The following NLRP8 variants were observed in gnomAD, a reference collection of about 807,000 sequenced individuals.
The protein encoded by NLRP8 is NLR family pyrin domain containing 8, also known as NACHT, LRR and PYD domains-containing protein 8.
In NLRP8, 86 loss-of-function variants were observed where a neutral mutation model predicts 88.7. The observed-to-expected ratio is 0.97, with a 90% CI of 0.81 to 1.16. NLRP8 has a LOEUF of 1.16. NLRP8 is among the 50% of genes most tolerant of loss of function. NLRP8 has a pLI of 0.00. For synonymous variants in NLRP8, 504 were observed against 494.6 expected (o/e 1.02, Z -0.25); for missense variants, 1,342 against 1,286.5 (o/e 1.04, Z -0.66).
chr19:55,966,237 G>T lies in NLRP8; in HGVS notation c.2238G>T (p.Met746Ile). 13 of 1,614,146 alleles carry T rather than the reference G, an allele frequency of 8.1e-6. No homozygotes were observed. Among genetic ancestry groups the T allele is most frequent in the Non-Finnish European group, 1.1e-5 (13 of 1,179,998 alleles). ...GCCTAAGGCGTGTGAATAGCACCATGTTGAACCAGGACTTAATCGGTGTTT... is the reference window on the plus strand; with the variant it reads ...GCCTAAGGCGTGTGAATAGCACCATTTTGAACCAGGACTTAATCGGTGTTT... The change falls in exon 5 of 10, where the codon ATG becomes ATT. Residue 746 changes from methionine (M) to isoleucine (I), a missense_variant. Physicochemically the swap from Met to Ile is conservative, Grantham distance 10. Coordinates refer to ENST00000291971, the MANE Select transcript of NLRP8 (RefSeq NM_176811.2).
Position 55,948,189 on chromosome 19 carries a change from G to A in NLRP8, c.287G>A (p.Arg96His), listed in dbSNP as rs145352424. Residue 96 changes from arginine to histidine, a missense_variant, in exon 1 of 10, where the codon CGC (arginine) becomes CAC (histidine). Arg to His is a conservative substitution (Grantham distance 29). Transcript: ENST00000291971. ...TTGATAGAGCGTTTCCCTGGACGAC[G>A]CGCTTGGGATGTGACTTCGAACATC... 1.9e-5 allele frequency: 31 copies of A among 1,614,164 alleles called. No individual in the cohort carries two copies. Among genetic ancestry groups the A allele is most frequent in the African/African-American group, 1.6e-4 (12 of 75,052 alleles).
chr19:55,953,486 C>A (rs1230420260), intron 2 of NLRP8, among the ~76,000 whole-genome samples: 4 of 139,706 alleles, frequency 2.9e-5, no homozygotes, highest in Non-Finnish European at 6.2e-5. Context: ...CTATTTCTTT[C>A]TTTCTTTCTT....
rs778870031 is a variant in NLRP8, at chr19:55,948,052, T to C, written c.150T>C (p.His50=). Reference sequence around the variant, plus strand: ...TGCTGTACATGAGAAACGTGAGCCATGAGGAGCTACAACGGTTCAAGCAGC... The same window carrying C: ...TGCTGTACATGAGAAACGTGAGCCACGAGGAGCTACAACGGTTCAAGCAGC... Residue 50 remains histidine, a synonymous_variant, in exon 1 of 10, where the codon CAT becomes CAC. Coordinates refer to ENST00000291971, the MANE Select transcript of NLRP8 (RefSeq NM_176811.2). 7 of 1,614,072 alleles carry C rather than the reference T, an allele frequency of 4.3e-6. No individual in the cohort carries two copies. The highest frequency in any genetic ancestry group is 5.1e-6 in the Non-Finnish European group (6 of 1,180,014).
intron 3 of NLRP8, among the ~76,000 whole-genome samples, chr19:55,957,269 C>T (rs10415498): frequency 0.035 from 5,288 of 152,266 alleles, 296 homozygotes; most frequent in African/African-American, 0.12. Context: ...TGAACGTTTA[C>T]ATTTTATTTA....
rs1261781058 is a variant in NLRP8 at position 55,951,902 on chromosome 19, C to G, written c.368-636C>G. ...GTGGTTAGGACTATAGGCATGCCAC[C>G]ATGCCTGGCTAATTATTTTTTATTT... On this transcript the variant is annotated intron_variant, in intron 1 of 9. Transcript: ENST00000291971. 2.0e-5 allele frequency among the ~76,000 whole-genome samples: 3 copies of G among 151,892 alleles called. No individual in the cohort carries two copies. The South Asian group carries it at 6.3e-4, about 32-fold the overall frequency.
At chr19:55,987,293 C>G (rs774770958) in intron 9 of NLRP8, among the ~76,000 whole-genome samples, 2 of 152,190 alleles carry the variant, frequency 1.3e-5, no homozygotes, top group Non-Finnish European at 2.9e-5. Flanking sequence ...TCGCTTTAAC[C>G]CAGGAGGCAG....
intron 7 of NLRP8, among the ~76,000 whole-genome samples, chr19:55,975,074 C>T (rs973660686): frequency 6.6e-6 from 1 of 152,162 alleles, no homozygotes; most frequent in Non-Finnish European, 1.5e-5. Flanking sequence ...AATCACTACA[C>T]ATGAGGGCTT....
rs74322774 is a variant in NLRP8 at position 55,972,838 on chromosome 19, T to A, written c.2535-814T>A. Among the ~76,000 whole-genome samples, 5 of 147,722 alleles carry A rather than the reference T, an allele frequency of 3.4e-5. No individual in the cohort carries two copies. In the East Asian group the frequency reaches 6.0e-4, roughly 18 times the overall value. On this transcript the variant is annotated intron_variant, in intron 6 of 9. Coordinates refer to ENST00000291971, the MANE Select transcript of NLRP8 (RefSeq NM_176811.2). ...GTGTGTGTGTGTGTGTGTGTGTGTG[T>A]GACATTTTCTTTATCCACTTGTTGT...
chr19:55,977,079 CA>C (rs772893637), intron 8 of NLRP8, among the ~76,000 whole-genome samples: 3,185 of 93,128 alleles, frequency 0.034, 118 homozygotes, highest in African/African-American at 0.11. Flanking sequence ...GACTCTGTCT[CA>C]AAAAAAAAAA....
chr19:55,967,657 T>G (rs1012237031), intron 5 of NLRP8, among the ~76,000 whole-genome samples: 2 of 152,244 alleles, frequency 1.3e-5, no homozygotes, highest in African/African-American at 4.8e-5. Context: ...ACAGCAAGCA[T>G]GGTAGTGCAG....
At chr19:55,975,332 C>T (rs1356875495) in intron 7 of NLRP8, among the ~76,000 whole-genome samples, 1 of 152,180 alleles carries the variant, frequency 6.6e-6, no homozygotes, top group Non-Finnish European at 1.5e-5. Context: ...CAAAAAGAAG[C>T]AGGGAACGGT....
At position 55,966,350 on chromosome 19, in the gene NLRP8, G is replaced by T. The variant is rs763332267; in HGVS notation, c.2351G>T (p.Arg784Ile). Residue 784 changes from arginine to isoleucine, a missense_variant, in exon 5 of 10, where the codon AGA (arginine) becomes ATA (isoleucine). Transcript: ENST00000291971. ...GTGAAGCTTCTATGCAGGGTGCTGA[G>T]ATCCCCCCGGTGCCGTCTGCAGTGT... is the stretch of plus-strand genomic sequence containing the variant. 6.2e-7 allele frequency: 1 copy of T among 1,614,094 alleles called. No homozygotes were observed. Among genetic ancestry groups the T allele is most frequent in the South Asian group, 1.1e-5 (1 of 91,074 alleles).
At chr19:55,964,881 C>T (rs7249625) in intron 4 of NLRP8, among the ~76,000 whole-genome samples, 10,124 of 151,972 alleles carry the variant, frequency 0.067, 848 homozygotes, top group East Asian at 0.47. Flanking sequence ...AATATCAAAT[C>T]GATTATACCT....
intron 1 of NLRP8, among the ~76,000 whole-genome samples, chr19:55,950,806 G>A (rs1252171259): frequency 4.6e-5 from 7 of 152,050 alleles, no homozygotes; most frequent in Admixed American, 1.3e-4. Flanking sequence ...GGGGCCAGGC[G>A]CAGTGGCTCA....
chr19:55,955,448 C>A lies in NLRP8; in HGVS notation c.1390C>A (p.His464Asn). The change falls in exon 3 of 10, where the codon CAC becomes AAC. Residue 464 changes from histidine (H) to asparagine (N), a missense_variant. Physicochemically the swap from His to Asn is moderately conservative, Grantham distance 68. Coordinates refer to ENST00000291971, the MANE Select transcript of NLRP8 (RefSeq NM_176811.2). ...TCACTTGGCCGCAGACAGCATGTGG[C>A]ACAGGAAATGGGTGTTAGGTAAAGA... 6.2e-7 allele frequency: 1 copy of A among 1,614,194 alleles called. No individual in the cohort carries two copies.
chr19:55,955,719 A>C lies in NLRP8; in HGVS notation c.1661A>C (p.His554Pro). The change falls in exon 3 of 10, where the codon CAC becomes CCC. Residue 554 changes from histidine (H) to proline (P), a missense_variant. Coordinates refer to ENST00000291971, the MANE Select transcript of NLRP8 (RefSeq NM_176811.2). ...AGAGGAAGCAAAAGCTATCTCTCTCACATGGGACTTTTCTTATTCGGTTTT... is the reference window on the plus strand; with the variant it reads ...AGAGGAAGCAAAAGCTATCTCTCTCCCATGGGACTTTTCTTATTCGGTTTT... 1 of 1,614,106 alleles carries C rather than the reference A, an allele frequency of 6.2e-7. No individual in the cohort carries two copies. Among genetic ancestry groups the C allele is most frequent in the Non-Finnish European group, 8.5e-7 (1 of 1,179,926 alleles).
rs970048927 is a variant in NLRP8, at chr19:55,988,409, AATACAT to A, written c.*502_*507del. ...GACTCTGTCTCAAGAAGAAAAAAAA[AATACAT>A]ATACACATAAATATATATATGTGTG... On this transcript the variant is annotated 3_prime_UTR_variant, in exon 10 of 10. Coordinates refer to ENST00000291971, the MANE Select transcript of NLRP8 (RefSeq NM_176811.2). 1 of 139,190 alleles carries A rather than the reference AATACAT, an allele frequency of 7.2e-6. No individual in the cohort carries two copies. The highest frequency in any genetic ancestry group is 1.5e-5 in the Non-Finnish European group (1 of 65,712). 8.6% of individuals were successfully genotyped at this position (139,190 alleles called of 1,614,324 possible).
intron 3 of NLRP8, among the ~76,000 whole-genome samples, chr19:55,958,123 C>A (rs1313546477): frequency 2.0e-5 from 3 of 152,064 alleles, no homozygotes. Context: ...GTGGCTATGA[C>A]GAGAAGAGAG....
At chr19:55,983,335 A>C (rs182396135) in intron 9 of NLRP8, among the ~76,000 whole-genome samples, 1 of 151,720 alleles carries the variant, frequency 6.6e-6, no homozygotes, top group African/African-American at 2.4e-5. Flanking sequence ...GTGGTGGTGC[A>C]TGCCTGTAGT....
Sources: gnomAD v4.1 joint callset for allele counts (sites outside exome capture counted in the v4.1 genomes callset) on GRCh38, gnomAD v4.1.1 for gene constraint, MANE v1.5 for transcripts, NCBI Gene and HGNC (gene_info 2026-07-23, HGNC 2026-07-21) for gene names.